CELF2: variants seen among roughly 807,000 people sequenced by gnomAD.
CELF2 encodes the protein CUGBP Elav-like family member 2, also known as CUG triplet repeat RNA-binding protein 2.
In CELF2, 8 loss-of-function variants were observed where a neutral mutation model predicts 62.6. The observed-to-expected ratio is 0.13, with a 90% confidence interval of 0.07 to 0.23. The LOEUF is 0.23. Ranked by LOEUF, CELF2 falls within the 10% of genes least tolerant of loss-of-function variation. CELF2 has a pLI of 1.00. For missense variants in CELF2, 333 were observed against 671.0 expected (o/e 0.50, Z 5.56); for synonymous variants, 258 against 250.0 (o/e 1.03, Z -0.30).
chr10:10,691,799 T>A, the CELF2 span, among the ~76,000 whole-genome samples: 3 of 148,026 alleles, frequency 2.0e-5, no homozygotes, highest in African/African-American at 7.5e-5. Context: ...GCTGCATAAA[T>A]GTCTTCTTTT....
chr10:10,880,798 A>T (rs1269443711), intron 1 of CELF2, among the ~76,000 whole-genome samples: 1 of 152,164 alleles, frequency 6.6e-6, no homozygotes, highest in East Asian at 1.9e-4. Flanking sequence ...AATTTCTGCC[A>T]TATTTTGTAC....
chr10:10,687,267 C>T, the CELF2 span, among the ~76,000 whole-genome samples: 2 of 152,190 alleles, frequency 1.3e-5, no homozygotes, highest in Non-Finnish European at 2.9e-5. Context: ...TAACTTTCCT[C>T]CACCTCAGAT....
chr10:10,685,611 T>A, the CELF2 span, among the ~76,000 whole-genome samples: 1 of 152,200 alleles, frequency 6.6e-6, no homozygotes, highest in Non-Finnish European at 1.5e-5. Flanking sequence ...AGGTTTTATA[T>A]GGTGTCTCAA....
At position 11,159,974 on chromosome 10, in the gene CELF2, C is replaced by T. The variant is rs774577941; in HGVS notation, c.75-5512C>T. On this transcript the variant is annotated intron_variant, in intron 1 of 12. Coordinates refer to ENST00000633077, the MANE Select transcript of CELF2 (RefSeq NM_001326342.2). This position sits in a 1 kb window ranked among gnomAD's most constrained non-coding sequence, Gnocchi z 5.0. ...TCTCGCAGCACCCCAATTAACCGGC[C>T]ACTCAGCGGCCTGTCGGAGCCTCCA... Among the ~76,000 whole-genome samples the T allele has an allele frequency of 6.6e-6, 1 of 152,198 alleles. No individual in the cohort carries two copies. The highest frequency in any genetic ancestry group is 1.5e-5 in the Non-Finnish European group (1 of 68,042).
chr10:10,906,296 C>G (rs1285423370), intron 1 of CELF2, among the ~76,000 whole-genome samples: 1 of 151,946 alleles, frequency 6.6e-6, no homozygotes, highest in Non-Finnish European at 1.5e-5. Context: ...TTTAATTATC[C>G]CCAACATAAA....
chr10:10,495,525 A>C, the CELF2 span, among the ~76,000 whole-genome samples: 1 of 152,182 alleles, frequency 6.6e-6, no homozygotes, highest in African/African-American at 2.4e-5. Context: ...TGCCTTAAAC[A>C]TCATCCACAC....
chr10:11,194,398 A>G (rs966840310), intron 2 of CELF2, among the ~76,000 whole-genome samples: 3 of 152,228 alleles, frequency 2.0e-5, no homozygotes, highest in Non-Finnish European at 4.4e-5. Flanking sequence ...TTCATTTTGA[A>G]ATGAAAAATG....
intron 1 of CELF2, among the ~76,000 whole-genome samples, chr10:11,146,645 C>G (rs1564934299): frequency 6.6e-6 from 1 of 152,168 alleles, no homozygotes; most frequent in African/African-American, 2.4e-5. Flanking sequence ...CGCTCATGTG[C>G]TCTGTCGGTG....
chr10:10,841,500 C>T (rs1464497329), intron 1 of CELF2, among the ~76,000 whole-genome samples: 1 of 150,824 alleles, frequency 6.6e-6, no homozygotes, highest in African/African-American at 2.4e-5. Context: ...GTTAGAGCAC[C>T]ATTTGTTGAA....
intron 6 of CELF2, 149 bp downstream of exon 6, chr10:11,266,826 CT>C (rs398114072): frequency 4.1e-6 from 2 of 492,166 alleles, no homozygotes; most frequent in East Asian, 7.1e-5. Context: ...TCATTCTCTC[CT>C]TCTCTCTCTC....
intron 2 of CELF2, among the ~76,000 whole-genome samples, chr10:11,181,177 G>C (rs1184751338): frequency 6.6e-6 from 1 of 152,120 alleles, no homozygotes. Context: ...GCCCAGACAT[G>C]GAATTTAAAC....
chr10:10,477,296 G>A, the CELF2 span, among the ~76,000 whole-genome samples: 1 of 152,134 alleles, frequency 6.6e-6, no homozygotes. Flanking sequence ...TTTAAATTAA[G>A]GTTATTAGAA....
At chr10:11,044,014 C>T (rs951044923) in intron 1 of CELF2, among the ~76,000 whole-genome samples, 6 of 152,214 alleles carry the variant, frequency 3.9e-5, no homozygotes, top group African/African-American at 1.2e-4. Context: ...TGTGCTCGCT[C>T]TTCTCTCTGC....
At chr10:10,655,198 C>T in the CELF2 span, among the ~76,000 whole-genome samples, 7 of 145,850 alleles carry the variant, frequency 4.8e-5, no homozygotes, top group African/African-American at 1.8e-4. Flanking sequence ...AACTACAAAC[C>T]ACTGCTCAAT....
At chr10:10,618,785 G>A in the CELF2 span, among the ~76,000 whole-genome samples, 81 of 152,190 alleles carry the variant, frequency 5.3e-4, no homozygotes, top group African/African-American at 1.9e-3. Context: ...GGTTTGATAG[G>A]CAAGAGAAAG....
chr10:11,119,011 A>G (rs1249003931), intron 1 of CELF2, among the ~76,000 whole-genome samples: 1 of 152,226 alleles, frequency 6.6e-6, no homozygotes. Flanking sequence ...GCTCAGACAG[A>G]ATGGCCTGCT....
At position 11,012,540 on chromosome 10, in the gene CELF2, C is replaced by G. The variant is rs1036344223; in HGVS notation, c.53+7100C>G. ...ACCACATCCATTTCTCTTCCTTTCA[C>G]CCCACCTGTTGCTGCCTTCTCCGGG... On this transcript the variant is annotated intron_variant, in intron 1 of 12. Transcript: ENST00000416382. This position sits in a 1 kb window ranked among gnomAD's most constrained non-coding sequence, Gnocchi z 5.5. Among the ~76,000 whole-genome samples the G allele has an allele frequency of 6.6e-6, 1 of 152,208 alleles. No homozygotes were observed. The highest frequency in any genetic ancestry group is 1.9e-4 in the East Asian group (1 of 5,194).
intron 1 of CELF2, among the ~76,000 whole-genome samples, chr10:10,843,919 A>G (rs968561): frequency 0.75 from 114,440 of 151,800 alleles, 43,818 homozygotes; most frequent in East Asian, 0.97. Context: ...TTCATTGGAG[A>G]TATGAGAAAA....
At chr10:10,520,372 G>T in the CELF2 span, among the ~76,000 whole-genome samples, 1 of 152,168 alleles carries the variant, frequency 6.6e-6, no homozygotes, top group Non-Finnish European at 1.5e-5. Flanking sequence ...CCAGCCTCCA[G>T]GGTTAGGGGT....
Sources: gnomAD v4.1 joint callset for allele counts (sites outside exome capture counted in the v4.1 genomes callset) on GRCh38, gnomAD v4.1.1 for gene constraint, Gnocchi (gnomAD v3.1) non-coding constraint, MANE v1.5 for transcripts, NCBI Gene and HGNC (gene_info 2026-07-23, HGNC 2026-07-21) for gene names.